SHISA6: variants seen among roughly 807,000 people sequenced by gnomAD.
The protein encoded by SHISA6 is protein shisa-6.
SHISA6 carries 22 observed loss-of-function variants against 47.9 expected under a neutral mutation model. The observed-to-expected ratio is 0.46, with a 90% CI of 0.33 to 0.66. The LOEUF (loss-of-function observed/expected upper bound fraction) is 0.66. SHISA6 is among the 30% of genes least tolerant of loss of function. The pLI is 0.02. For missense variants in SHISA6, 680 were observed against 764.6 expected (o/e 0.89, Z 1.30); for synonymous variants, 388 against 337.8 (o/e 1.15, Z -1.63).
chr17:11,367,127 A>G (rs1213323293), intron 2 of SHISA6, among the ~76,000 whole-genome samples: 2 of 152,192 alleles, frequency 1.3e-5, no homozygotes, highest in Admixed American at 1.3e-4. Flanking sequence ...AGAGAAGGAC[A>G]GTGGAGAAAT....
chr17:11,522,679 T>G (rs2071641154), intron 3 of SHISA6, among the ~76,000 whole-genome samples: 1 of 152,226 alleles, frequency 6.6e-6, no homozygotes, highest in Non-Finnish European at 1.5e-5. Flanking sequence ...TTGCCCAGGC[T>G]GGCCTTGAAG....
At chr17:11,341,276 T>G (rs1404629820) in intron 2 of SHISA6, among the ~76,000 whole-genome samples, 1 of 151,808 alleles carries the variant, frequency 6.6e-6, no homozygotes, top group Non-Finnish European at 1.5e-5. Flanking sequence ...TACTCACTGA[T>G]TATCCTCTAA....
At chr17:11,402,312 G>A (rs1913803265) in intron 3 of SHISA6, among the ~76,000 whole-genome samples, 4 of 152,292 alleles carry the variant, frequency 2.6e-5, no homozygotes, top group Admixed American at 2.6e-4. Flanking sequence ...TTAAAGTCCT[G>A]GAGAATATCA....
At chr17:11,336,024 C>T (rs1911307248) in intron 2 of SHISA6, among the ~76,000 whole-genome samples, 1 of 146,340 alleles carries the variant, frequency 6.8e-6, no homozygotes, top group East Asian at 2.0e-4. Context: ...CATGGTGAAA[C>T]CCCGTCTCTA....
intron 2 of SHISA6, among the ~76,000 whole-genome samples, chr17:11,299,475 T>C (rs1909850849): frequency 1.3e-5 from 2 of 152,196 alleles, no homozygotes; most frequent in Admixed American, 1.3e-4. Flanking sequence ...ACAAATTTAT[T>C]CCCTGTGATT....
At chr17:11,422,431 G>A (rs1914473492) in intron 3 of SHISA6, among the ~76,000 whole-genome samples, 1 of 152,288 alleles carries the variant, frequency 6.6e-6, no homozygotes, top group African/African-American at 2.4e-5. Context: ...GCTCAACCAA[G>A]ATTGAGACAT....
intron 2 of SHISA6, among the ~76,000 whole-genome samples, chr17:11,297,822 T>C (rs573722714): frequency 1.3e-5 from 2 of 152,296 alleles, no homozygotes; most frequent in South Asian, 4.2e-4. Context: ...TGGGGAGATA[T>C]TGCCCTTCAG....
At chr17:11,265,109 T>C (rs1268466476) in intron 2 of SHISA6, among the ~76,000 whole-genome samples, 1 of 152,214 alleles carries the variant, frequency 6.6e-6, no homozygotes, top group Non-Finnish European at 1.5e-5. Context: ...CATGGCAGCG[T>C]TTTAGAATCA....
chr17:11,486,051 G>A (rs962990047), intron 3 of SHISA6, among the ~76,000 whole-genome samples: 2 of 152,182 alleles, frequency 1.3e-5, no homozygotes, highest in African/African-American at 4.8e-5. Flanking sequence ...GCAAACAGGG[G>A]GAGTTTTTTC....
chr17:11,247,984 C>T lies in SHISA6; in HGVS notation c.638+5924C>T, dbSNP rs138358888. Among the ~76,000 whole-genome samples the T allele has an allele frequency of 2.4e-3, 367 of 152,218 alleles. 1 individual carries two copies. The highest frequency in any genetic ancestry group is 6.1e-3 in the African/African-American group (253 of 41,528). ...AGAGACAGCGTTTCACCATGTTAGCCAGAATGGTCTCGATCTCCTGACCTC... is the reference window on the plus strand; with the variant it reads ...AGAGACAGCGTTTCACCATGTTAGCTAGAATGGTCTCGATCTCCTGACCTC... On this transcript the variant is annotated intron_variant, in intron 1 of 5. Coordinates refer to ENST00000441885, the MANE Select transcript of SHISA6 (RefSeq NM_207386.4).
intron 3 of SHISA6, among the ~76,000 whole-genome samples, chr17:11,551,186 T>C (rs2071929026): frequency 6.6e-6 from 1 of 152,230 alleles, no homozygotes; most frequent in Admixed American, 6.5e-5. Context: ...CACATTTTCA[T>C]TCAAACAATT....
intron 2 of SHISA6, among the ~76,000 whole-genome samples, chr17:11,362,286 C>T (rs1022332808): frequency 6.6e-5 from 10 of 152,088 alleles, no homozygotes; most frequent in South Asian, 2.1e-4. Context: ...ACTACAGGCA[C>T]GTATCACAAC....
rs547042259 is a variant in SHISA6 at position 11,241,440 on chromosome 17, C to CCTGCTGCTG, written c.27_35dup (p.Leu10_Leu12dup). 2 of 1,194,234 alleles carry CCTGCTGCTG rather than the reference C, an allele frequency of 1.7e-6. No homozygotes were observed. The highest frequency in any genetic ancestry group is 1.6e-5 in the African/African-American group (1 of 60,690). 74.0% of individuals were successfully genotyped at this position (1,194,234 alleles called of 1,614,324 possible). ...GCCCCGCCATGGCGCTGCGGCGCCT[C>CCTGCTGCTG]CTGCTGCTGCTGCTGCTCTCGCTGG... is the stretch of plus-strand genomic sequence containing the variant. On this transcript the variant is annotated inframe_insertion, in exon 1 of 6. Coordinates refer to ENST00000441885, the MANE Select transcript of SHISA6 (RefSeq NM_207386.4). This position sits in a 1 kb window ranked among gnomAD's most constrained non-coding sequence, Gnocchi z 5.5.
chr17:11,379,454 T>A lies in SHISA6; in HGVS notation c.840T>A (p.Asp280Glu), dbSNP rs1015551061. The change falls in exon 3 of 6, where the codon GAT (aspartate) becomes GAA (glutamate). Residue 280 changes from aspartate (D) to glutamate (E), a missense_variant. Physicochemically the swap from Asp to Glu is conservative, Grantham distance 45 (BLOSUM62 2). Around this residue, in one of 2 missense-constraint regions of SHISA6, gnomAD observed 559 missense variants for 674.1 expected, o/e 0.83. Coordinates refer to ENST00000441885, the MANE Select transcript of SHISA6 (RefSeq NM_207386.4). ...ATGCTTACCGAAGTGGAGGACCTGATCTCCATAACTTCATCTCATCTGGAT... is the reference window on the plus strand; with the variant it reads ...ATGCTTACCGAAGTGGAGGACCTGAACTCCATAACTTCATCTCATCTGGAT... ...GKDAYRSGGP[D>E]LHNFISSGFV... 3.9e-5 allele frequency: 60 copies of A among 1,542,328 alleles called. No homozygotes were observed. The African/African-American group carries it at 7.7e-4, about 20-fold the overall frequency.
rs1037715826 is a variant in SHISA6, at chr17:11,561,854, CCTT to C, written c.*3552_*3554del. 3 of 152,132 alleles carry C rather than the reference CCTT, an allele frequency of 2.0e-5. No individual in the cohort carries two copies. Among genetic ancestry groups the C allele is most frequent in the East Asian group, 1.9e-4 (1 of 5,168 alleles). The allele number at this position is 152,132 out of a possible 1,614,324, so 9.4% of individuals were successfully genotyped here. On this transcript the variant is annotated 3_prime_UTR_variant, in exon 6 of 6. Transcript: ENST00000441885. ...TCTTCTGTTTGCCTCACTGGTGTAT[CCTT>C]CATCTCCTGCCCCTGTGAGTTGATA...
intron 2 of SHISA6, among the ~76,000 whole-genome samples, chr17:11,379,192 A>G (rs1912922727): frequency 6.8e-6 from 1 of 148,148 alleles, no homozygotes; most frequent in Non-Finnish European, 1.5e-5. Context: ...ATATATAATT[A>G]TATATGTGTA....
At chr17:11,423,719 C>A (rs2142283794) in intron 3 of SHISA6, among the ~76,000 whole-genome samples, 1 of 152,016 alleles carries the variant, frequency 6.6e-6, no homozygotes, top group South Asian at 2.1e-4. Flanking sequence ...AGTAAGACTT[C>A]TAGCACTTGA....
intron 2 of SHISA6, among the ~76,000 whole-genome samples, chr17:11,336,104 G>A (rs7208426): frequency 0.041 from 6,192 of 152,074 alleles, 296 homozygotes; most frequent in African/African-American, 0.11. Context: ...AGCTATTCGG[G>A]AGGCTGAGGC....
intron 3 of SHISA6, among the ~76,000 whole-genome samples, chr17:11,526,607 T>C (rs2071683946): frequency 6.6e-6 from 1 of 152,086 alleles, no homozygotes; most frequent in Non-Finnish European, 1.5e-5. Flanking sequence ...TCCTGTTAAC[T>C]TCCCCGATGG....
Sources: gnomAD v4.1 joint callset for allele counts (sites outside exome capture counted in the v4.1 genomes callset) on GRCh38, gnomAD v4.1.1 for gene constraint, gnomAD v4.1.1 regional missense constraint, Gnocchi (gnomAD v3.1) non-coding constraint, MANE v1.5 for transcripts, NCBI Gene and HGNC (gene_info 2026-07-23, HGNC 2026-07-21) for gene names.